RGPD2: variants seen among roughly 807,000 people sequenced by gnomAD.
The protein encoded by RGPD2 is RANBP2 like and GRIP domain containing 2.
RGPD2 carries 2 observed loss-of-function variants against 36.0 expected under a neutral mutation model. That is an observed-to-expected ratio of 0.06 (90% CI 0.02 to 0.17). The LOEUF is 0.17. Among genes scored for constraint, RGPD2 ranks in the 10% least tolerant of loss-of-function variants. The probability of loss-of-function intolerance (pLI) is 1.00; values close to 1 mark genes in which losing one functional copy is unlikely to be tolerated. For synonymous variants in RGPD2, 19 were observed against 163.8 expected (o/e 0.12, Z 6.75); for missense variants, 40 against 464.3 (o/e 0.09, Z 8.40).
chr2:87,940,632 T>TTG, the RGPD2 span, among the ~76,000 whole-genome samples: 369 of 130,726 alleles, frequency 2.8e-3, 7 homozygotes, highest in African/African-American at 6.2e-3. Flanking sequence ...AATTTTCTGT[T>TTG]TGTGTGTGTG....
At chr2:87,913,933 T>C in the RGPD2 span, among the ~76,000 whole-genome samples, 2 of 152,204 alleles carry the variant, frequency 1.3e-5, no homozygotes, top group African/African-American at 4.8e-5. Flanking sequence ...CTGATCACTA[T>C]TAAGCTATTA....
At chr2:87,912,321 TA>T in the RGPD2 span, among the ~76,000 whole-genome samples, 1 of 152,064 alleles carries the variant, frequency 6.6e-6, no homozygotes, top group Non-Finnish European at 1.5e-5. Flanking sequence ...TGTCAGCTGT[TA>T]AAATGGACTT....
chr2:87,937,137 C>T, the RGPD2 span, among the ~76,000 whole-genome samples: 3 of 151,716 alleles, frequency 2.0e-5, no homozygotes, highest in Non-Finnish European at 2.9e-5. Flanking sequence ...ATATTATGAT[C>T]TCATTAGGCA....
chr2:87,877,353 TC>T, the RGPD2 span, among the ~76,000 whole-genome samples: 1 of 152,288 alleles, frequency 6.6e-6, no homozygotes, highest in Non-Finnish European at 1.5e-5. Flanking sequence ...GTTTCCTTTT[TC>T]ATATTTAGTG....
the RGPD2 span, among the ~76,000 whole-genome samples, chr2:87,986,717 T>A: frequency 2.0e-4 from 30 of 151,078 alleles, no homozygotes; most frequent in African/African-American, 7.0e-4. Context: ...CCATTTCTAC[T>A]AAAAATACAA....
At chr2:87,985,602 C>T in the RGPD2 span, 2 of 924,982 alleles carry the variant, frequency 2.2e-6, no homozygotes, top group Non-Finnish European at 3.4e-6. Context: ...ATACAATAAA[C>T]CTTAATATCA....
chr2:87,809,027 C>T (rs1460548175), intron 6 of RGPD2, among the ~76,000 whole-genome samples: 1 of 91,416 alleles, frequency 1.1e-5, no homozygotes, highest in African/African-American at 3.5e-5. Context: ...CGAGACCAGC[C>T]GGGCGCGGTG....
chr2:87,857,714 T>A, the RGPD2 span, among the ~76,000 whole-genome samples: 90 of 148,758 alleles, frequency 6.1e-4, no homozygotes, highest in Middle Eastern at 3.5e-3. Flanking sequence ...CAAGGTGGGC[T>A]GATCACAAAG....
At chr2:87,988,546 T>A in the RGPD2 span, among the ~76,000 whole-genome samples, 8,718 of 95,430 alleles carry the variant, frequency 0.091, 873 homozygotes, top group Non-Finnish European at 0.13. Flanking sequence ...TATATATTTT[T>A]TTTTTTTCTT....
the RGPD2 span, among the ~76,000 whole-genome samples, chr2:87,910,666 CA>C: frequency 2.9e-3 from 440 of 149,296 alleles, 3 homozygotes; most frequent in Non-Finnish European, 2.4e-3. Flanking sequence ...AAAACCCCAA[CA>C]AAATAGCAAT....
chr2:87,984,700 A>G, the RGPD2 span, among the ~76,000 whole-genome samples: 2 of 146,642 alleles, frequency 1.4e-5, no homozygotes, highest in Admixed American at 6.9e-5. Context: ...GGAGGCTGAG[A>G]CGGGCAGATC....
At chr2:87,876,510 C>T in the RGPD2 span, among the ~76,000 whole-genome samples, 4 of 152,232 alleles carry the variant, frequency 2.6e-5, no homozygotes, top group East Asian at 1.9e-4. Context: ...AGGAGCGGAT[C>T]GCTCAATTTC....
At chr2:87,858,048 C>A in the RGPD2 span, among the ~76,000 whole-genome samples, 1 of 152,214 alleles carries the variant, frequency 6.6e-6, no homozygotes, top group Non-Finnish European at 1.5e-5. Flanking sequence ...CACACACACA[C>A]ACATATATAT....
the RGPD2 span, among the ~76,000 whole-genome samples, chr2:87,948,474 T>C: frequency 1.3e-4 from 20 of 151,324 alleles, no homozygotes; most frequent in African/African-American, 4.9e-4. Context: ...CTCCGCCTCC[T>C]GGGTTCAAAT....
chr2:87,961,091 T>C, the RGPD2 span, among the ~76,000 whole-genome samples: 2 of 151,598 alleles, frequency 1.3e-5, no homozygotes. Flanking sequence ...TCTAGGTTTA[T>C]ACTATTTCTT....
chr2:87,858,016 A>G, the RGPD2 span, among the ~76,000 whole-genome samples: 3 of 152,278 alleles, frequency 2.0e-5, no homozygotes, highest in South Asian at 6.2e-4. Context: ...TCCATGAAGC[A>G]TTACGTTAAC....
the RGPD2 span, among the ~76,000 whole-genome samples, chr2:87,930,712 T>G: frequency 6.6e-6 from 1 of 151,148 alleles, no homozygotes; most frequent in African/African-American, 2.4e-5. Context: ...TTTGGGTTGG[T>G]AGACTACTTA....
intron 6 of RGPD2, among the ~76,000 whole-genome samples, chr2:87,810,038 G>A (rs1248530700): frequency 2.2e-5 from 1 of 44,834 alleles, no homozygotes; most frequent in Non-Finnish European, 5.2e-5. Context: ...TCGGGCACCT[G>A]TAGTCCCACC....
chr2:87,989,353 T>C, the RGPD2 span, among the ~76,000 whole-genome samples: 1 of 148,280 alleles, frequency 6.7e-6, no homozygotes, highest in Non-Finnish European at 1.5e-5. Context: ...CAAAATGTTT[T>C]CCAAAATGCT....
Sources: gnomAD v4.1 joint callset for allele counts (sites outside exome capture counted in the v4.1 genomes callset) on GRCh38, gnomAD v4.1.1 for gene constraint, MANE v1.5 for transcripts, NCBI Gene and HGNC (gene_info 2026-07-23, HGNC 2026-07-21) for gene names.